The following ATP2A2 variants were observed in gnomAD, a reference collection of about 807,000 sequenced individuals.
ATP2A2 encodes the protein sarcoplasmic/endoplasmic reticulum calcium ATPase 2.
In ATP2A2, 14 loss-of-function variants were observed where a neutral mutation model predicts 109.3. The ratio of observed to expected loss-of-function variants is 0.13; its 90% CI spans 0.08 to 0.20. The LOEUF is 0.20. Ranked by LOEUF, ATP2A2 falls within the 10% of genes least tolerant of loss-of-function variation. The probability of loss-of-function intolerance (pLI) is 1.00; values close to 1 mark genes in which losing one functional copy is unlikely to be tolerated. For missense variants in ATP2A2, 657 were observed against 1,321.6 expected, an observed-to-expected ratio of 0.50 and a Z score of 7.80; for synonymous variants, 506 against 490.9, an observed-to-expected ratio of 1.03 and a Z score of -0.41.
At chr12:110,336,664 T>C (rs893044139) in intron 11 of ATP2A2, among the ~76,000 whole-genome samples, 2 of 152,216 alleles carry the variant, frequency 1.3e-5, no homozygotes, top group African/African-American at 4.8e-5. Context: ...TTGTCTCCTT[T>C]ATACTGTCCT....
Position 110,346,881 on chromosome 12 carries a change from A to G in ATP2A2, c.*411A>G. 1.8e-6 allele frequency: 2 copies of G among 1,095,842 alleles called. No individual in the cohort carries two copies. The highest frequency in any genetic ancestry group is 2.4e-5 in the South Asian group (1 of 41,130). 67.9% of individuals were successfully genotyped at this position (1,095,842 alleles called of 1,614,324 possible). The stretch of plus-strand genomic sequence containing the variant: ...AAATAGCATGTATTGTGTCTTTTGC[A>G]TGATGATCCGGATTTAATTTGATAT... On this transcript the variant is annotated 3_prime_UTR_variant, in exon 20 of 20. Transcript: ENST00000539276.
rs1012163839 is a variant in ATP2A2 at position 110,345,308 on chromosome 12, C to G, written c.2667C>G (p.Ile889Met). The G allele has an allele frequency of 1.5e-5, 25 of 1,614,066 alleles. No homozygotes were observed. The highest frequency in any genetic ancestry group is 2.0e-5 in the Non-Finnish European group (24 of 1,180,032). ...ACTTTGAAGGCGTGGATTGTGCAATCTTTGAATCCCCATACCCGATGACAA... is the reference window on the plus strand; with the variant it reads ...ACTTTGAAGGCGTGGATTGTGCAATGTTTGAATCCCCATACCCGATGACAA... The part of the protein sequence containing the change: ...NPDFEGVDCA[I>M]FESPYPMTMA... The change falls in exon 18 of 20, where the codon ATC becomes ATG. Residue 889 changes from isoleucine to methionine, a missense_variant. Coordinates refer to ENST00000539276, the MANE Select transcript of ATP2A2 (RefSeq NM_170665.4).
chr12:110,293,826 A>ATATGTG (rs1482730636), intron 4 of ATP2A2, among the ~76,000 whole-genome samples: 10 of 108,590 alleles, frequency 9.2e-5, no homozygotes, highest in East Asian at 8.7e-4. Flanking sequence ...TGCCATATAT[A>ATATGTG]TGTGTGTGTG....
At chr12:110,282,918 G>A (rs1414636095) in intron 3 of ATP2A2, 123 bp downstream of exon 3, 2 of 868,686 alleles carry the variant, frequency 2.3e-6, no homozygotes, top group Admixed American at 4.4e-5. Flanking sequence ...GTGTCTCTAT[G>A]TTTAAAAACA....
intron 5 of ATP2A2, 71 bp from the exon 6 acceptor site, chr12:110,322,921 A>G (rs577575585): frequency 9.1e-7 from 1 of 1,098,530 alleles, no homozygotes; most frequent in South Asian, 1.2e-5. Context: ...TGATTTGGAG[A>G]CAAATTCATC....
At chr12:110,288,713 A>G (rs1433515476) in intron 3 of ATP2A2, among the ~76,000 whole-genome samples, 2 of 152,140 alleles carry the variant, frequency 1.3e-5, no homozygotes, top group African/African-American at 4.8e-5. Context: ...CTTGAAACAG[A>G]TAATTCTTTA....
chr12:110,291,884 G>A (rs1168282511), intron 3 of ATP2A2, 136 bp from the exon 4 acceptor site: 2 of 762,974 alleles, frequency 2.6e-6, no homozygotes, highest in African/African-American at 1.7e-5. Context: ...TTGACCTCAG[G>A]TGATCGCCTG....
chr12:110,315,013 C>A (rs530294663), intron 5 of ATP2A2, among the ~76,000 whole-genome samples: 54 of 152,132 alleles, frequency 3.5e-4, no homozygotes, highest in Admixed American at 5.9e-4. Context: ...ACCACAGGCA[C>A]CCGCCACCAT....
At chr12:110,282,953 AC>A (rs1049536385) in intron 3 of ATP2A2, among the ~76,000 whole-genome samples, 158 bp downstream of exon 3, 4 of 152,230 alleles carry the variant, frequency 2.6e-5, no homozygotes, top group Admixed American at 1.3e-4. Context: ...AAATTACAAA[AC>A]AAAACACTTG....
At chr12:110,334,649 G>A (rs530712417) in intron 11 of ATP2A2, among the ~76,000 whole-genome samples, 1 of 144,338 alleles carries the variant, frequency 6.9e-6, no homozygotes, top group South Asian at 2.2e-4. Context: ...GTGCCATGGC[G>A]CGATCTTGGC....
chr12:110,307,167 G>C (rs1431461483), intron 5 of ATP2A2, among the ~76,000 whole-genome samples: 2 of 149,754 alleles, frequency 1.3e-5, no homozygotes, highest in Non-Finnish European at 3.0e-5. Context: ...CACGGGGGCT[G>C]AACTAGTTTA....
intron 5 of ATP2A2, among the ~76,000 whole-genome samples, chr12:110,308,794 A>G (rs1875657890): frequency 6.6e-6 from 1 of 152,216 alleles, no homozygotes; most frequent in Non-Finnish European, 1.5e-5. Context: ...GAAAGATTAA[A>G]TGGCATAAAT....
intron 5 of ATP2A2, among the ~76,000 whole-genome samples, chr12:110,316,436 T>C (rs777621671): frequency 2.2e-4 from 33 of 152,248 alleles, no homozygotes; most frequent in Non-Finnish European, 3.7e-4. Flanking sequence ...AAAGCTGTTA[T>C]CTCTTTGGAC....
chr12:110,333,917 G>A (rs1434379126), intron 10 of ATP2A2, 95 bp from the exon 11 acceptor site: 1 of 1,552,682 alleles, frequency 6.4e-7, no homozygotes, highest in Non-Finnish European at 8.8e-7. Context: ...TGTAATAGAG[G>A]ACAGATTGTG....
intron 5 of ATP2A2, among the ~76,000 whole-genome samples, chr12:110,298,155 A>G (rs1360762493): frequency 1.3e-5 from 2 of 152,142 alleles, no homozygotes; most frequent in African/African-American, 4.8e-5. Flanking sequence ...ACTCATTTTA[A>G]TGAATTGAAA....
intron 16 of ATP2A2, among the ~76,000 whole-genome samples, chr12:110,344,440 G>A (rs759251766): frequency 6.6e-6 from 1 of 152,142 alleles, no homozygotes; most frequent in African/African-American, 2.4e-5. Context: ...GAAAACTGCT[G>A]CTGGGCCTCT....
rs76586905 is a variant in ATP2A2 at position 110,350,308 on chromosome 12, G to C, written c.*3838G>C. ...CCTTTTCAGCAATACTGGAGTAACC[G>C]CTTCCTAAACCATTTTGCAGAAATG... On this transcript the variant is annotated 3_prime_UTR_variant, in exon 20 of 20. Coordinates refer to ENST00000539276, the MANE Select transcript of ATP2A2 (RefSeq NM_170665.4). The C allele has an allele frequency of 1.2e-6, 2 of 1,614,088 alleles. No individual in the cohort carries two copies. Among genetic ancestry groups the C allele is most frequent in the Non-Finnish European group, 1.7e-6 (2 of 1,180,032 alleles).
In ATP2A2 at chr12:110,350,962, TAA is replaced by T. The variant is rs1193002174; in HGVS notation, c.*4494_*4495del. The T allele has an allele frequency of 3.9e-5, 6 of 153,386 alleles. No individual in the cohort carries two copies. The highest frequency in any genetic ancestry group is 1.4e-4 in the African/African-American group (6 of 41,474). The allele number at this position is 153,386 out of a possible 1,614,324, so 9.5% of individuals were successfully genotyped here. A position where few individuals can be genotyped will look rare whatever the true frequency, so the allele number is the denominator to read the frequency against. Reference sequence around the variant, plus strand: ...TGATGCATTTATCTTAATAAAATGCTAAATGTCAATTTATCACTGCGCATGTT... The same window carrying T: ...TGATGCATTTATCTTAATAAAATGCTATGTCAATTTATCACTGCGCATGTT... On this transcript the variant is annotated 3_prime_UTR_variant, in exon 20 of 20. Coordinates refer to ENST00000539276, the MANE Select transcript of ATP2A2 (RefSeq NM_170665.4).
intron 5 of ATP2A2, among the ~76,000 whole-genome samples, chr12:110,300,335 A>G (rs925157500): frequency 4.2e-4 from 59 of 140,276 alleles, no homozygotes; most frequent in Middle Eastern, 8.3e-3. Flanking sequence ...ATACAGGCAC[A>G]TGACACCATG....
Sources: allele counts gnomAD v4.1 joint callset (sites outside exome capture counted in the v4.1 genomes callset), GRCh38; gene constraint gnomAD v4.1.1; transcripts MANE v1.5; gene names NCBI Gene and HGNC (gene_info 2026-07-23, HGNC 2026-07-21).